Variants in NOD1 observed in about 807,000 individuals in gnomAD.
The protein encoded by NOD1 is nucleotide binding oligomerization domain containing 1.
Under a neutral mutation model 81.2 loss-of-function variants are expected in NOD1, and 70 were observed. That is an observed-to-expected ratio of 0.86 (90% confidence interval 0.71 to 1.05). The LOEUF (loss-of-function observed/expected upper bound fraction) is 1.05. Among genes scored for constraint, NOD1 ranks in the 50% least tolerant of loss-of-function variants. The pLI, the probability that NOD1 is intolerant of heterozygous loss-of-function variation, is 0.00. For missense variants in NOD1, 1,233 were observed against 1,228.0 expected (o/e 1.00, Z -0.06); for synonymous variants, 508 against 526.9 (o/e 0.96, Z 0.49).
chr7:30,446,995 C>A lies in NOD1; in HGVS notation c.2341G>T (p.Asp781Tyr), dbSNP rs369855053. 8.1e-6 allele frequency: 13 copies of A among 1,614,046 alleles called. No homozygotes were observed. In the African/African-American group the frequency reaches 1.5e-4, roughly 18 times the overall value. Residue 781 changes from aspartate to tyrosine, a missense_variant, in exon 8 of 14, where the codon GAT becomes TAT. Transcript: ENST00000222823. ...AGATGCGTGAGGCCTTTGCATTCATCCAGGATTTTGGTGACGTACCTGGCT... is the reference window on the plus strand; with the variant it reads ...AGATGCGTGAGGCCTTTGCATTCATACAGGATTTTGGTGACGTACCTGGCT... Reference protein sequence around the residue: ...VGARYVTKILDECKGLTHLKL... With the variant: ...VGARYVTKILYECKGLTHLKL...
intron 12 of NOD1, 50 bp downstream of exon 12, chr7:30,433,046 A>T: frequency 7.3e-7 from 1 of 1,376,738 alleles, no homozygotes; most frequent in Non-Finnish European, 1.0e-6. Context: ...ATCTCAAAAA[A>T]TACTTTTGAA....
rs192655308 is a variant in NOD1 at position 30,473,323 on chromosome 7, C to T, written c.-352+5283G>A. 1.2e-4 allele frequency among the ~76,000 whole-genome samples: 18 copies of T among 152,244 alleles called. No homozygotes were observed. The East Asian group carries it at 3.5e-3, about 29-fold the overall frequency. ...AAAAGGTGGTGTACTTAGAACAGACCACTGCACCTTTGATGTAATATTATT... is the reference window on the plus strand; with the variant it reads ...AAAAGGTGGTGTACTTAGAACAGACTACTGCACCTTTGATGTAATATTATT... On this transcript the variant is annotated intron_variant, in intron 1 of 13. Transcript: ENST00000222823.
intron 11 of NOD1, among the ~76,000 whole-genome samples, chr7:30,433,591 C>CACTG (rs980740281): frequency 1.3e-5 from 2 of 152,172 alleles, no homozygotes; most frequent in African/African-American, 4.8e-5. Flanking sequence ...CTGAAACAGT[C>CACTG]ACTGACTGCA....
intron 1 of NOD1, among the ~76,000 whole-genome samples, chr7:30,470,244 G>A (rs550878735): frequency 1.3e-5 from 2 of 152,330 alleles, no homozygotes; most frequent in South Asian, 4.2e-4. Flanking sequence ...CATGCAGTGA[G>A]TTAATACACG....
At position 30,452,755 on chromosome 7, in the gene NOD1, G is replaced by A. The variant is rs367963834; in HGVS notation, c.662C>T (p.Thr221Met). 1.3e-5 allele frequency: 21 copies of A among 1,613,940 alleles called. No homozygotes were observed. The highest frequency in any genetic ancestry group is 6.7e-5 in the African/African-American group (5 of 74,946). Reference protein sequence around the residue: ...LLQRLQSLWATGRLDAGVKFF... With the variant: ...LLQRLQSLWAMGRLDAGVKFF... The stretch of plus-strand genomic sequence containing the variant: ...TTTGACCCCTGCGTCTAGCCGGCCC[G>A]TGGCCCAGAGGCTCTGCAGCCGCTG... Residue 221 changes from threonine (T) to methionine (M), a missense_variant, in exon 6 of 14, where the codon ACG becomes ATG. Thr to Met is a moderately conservative substitution (Grantham distance 81). Coordinates refer to ENST00000222823, the MANE Select transcript of NOD1 (RefSeq NM_006092.4).
In NOD1 at chr7:30,446,207, AT is replaced by A; in HGVS notation, c.2386del (p.Ile796Ter). On this transcript the variant is annotated frameshift_variant, in exon 9 of 14. Coordinates refer to ENST00000222823, the MANE Select transcript of NOD1 (RefSeq NM_006092.4). LOFTEE classifies it high-confidence loss of function. ...GAGATACTTCCCTCCTTCACTTGTTATTTTGTTTTTTCCCAGTCTGCAGAGA... is the reference window on the plus strand; with the variant it reads ...GAGATACTTCCCTCCTTCACTTGTTATTTGTTTTTTCCCAGTCTGCAGAGA... Reference protein sequence around the residue: ...LTHLKLGKNKITSEGGKYLAL... With the variant: ...LTHLKLGKNKXTSEGGKYLAL... The A allele has an allele frequency of 6.2e-7, 1 of 1,613,902 alleles. No homozygotes were observed. The highest frequency in any genetic ancestry group is 1.6e-4 in the Middle Eastern group (1 of 6,062).
chr7:30,455,341 G>A, intron 4 of NOD1, 30 bp from the exon 5 acceptor site: 1 of 1,596,226 alleles, frequency 6.3e-7, no homozygotes, highest in Non-Finnish European at 8.6e-7. Context: ...GAGGGCACGG[G>A]CTGGCATGAG....
At position 30,476,760 on chromosome 7, in the gene NOD1, C is replaced by T. The variant is rs530142108; in HGVS notation, c.-352+1846G>A. 5.9e-5 allele frequency among the ~76,000 whole-genome samples: 9 copies of T among 152,276 alleles called. No individual in the cohort carries two copies. In the South Asian group the frequency reaches 1.0e-3, roughly 18 times the overall value. On this transcript the variant is annotated intron_variant, in intron 1 of 13. Coordinates refer to ENST00000222823, the MANE Select transcript of NOD1 (RefSeq NM_006092.4). ...AAACTGTATTCCAGAGCCATTAATA[C>T]GCCCTGGGGGACTGAGGGGATTTGC...
At chr7:30,433,290 CA>C in intron 11 of NOD1, 111 bp from the exon 12 acceptor site, 1 of 783,454 alleles carries the variant, frequency 1.3e-6, no homozygotes, top group East Asian at 2.6e-5. Flanking sequence ...TGCAGATGAT[CA>C]CTTGCTGAGA....
In NOD1 at chr7:30,436,078, A is replaced by G. The variant is rs1370742420; in HGVS notation, c.2541T>C (p.Leu847=). ...RNHPSLTTLS[L]ASNGISTEGG... Reference sequence around the variant, plus strand: ...CTTCTGTGGAGATGCCGTTGGACGCAAGACTAGGAAGGAACACACTTGGGG... The same window carrying G: ...CTTCTGTGGAGATGCCGTTGGACGCGAGACTAGGAAGGAACACACTTGGGG... Residue 847 remains leucine (L), a synonymous_variant, in exon 11 of 14, where the codon CTT becomes CTC. Coordinates refer to ENST00000222823, the MANE Select transcript of NOD1 (RefSeq NM_006092.4). 3.1e-6 allele frequency: 5 copies of G among 1,613,172 alleles called. No individual in the cohort carries two copies. The highest frequency in any genetic ancestry group is 3.4e-6 in the Non-Finnish European group (4 of 1,179,174).
intron 13 of NOD1, among the ~76,000 whole-genome samples, chr7:30,428,082 C>CT (rs1783616749): frequency 6.6e-6 from 1 of 151,964 alleles, no homozygotes; most frequent in Admixed American, 6.6e-5. Flanking sequence ...TTCTTTTTTT[C>CT]TTTTTTGTTT....
In NOD1 at chr7:30,452,269, T is replaced by G; in HGVS notation, c.1148A>C (p.Asn383Thr). 1 of 1,613,296 alleles carries G rather than the reference T, an allele frequency of 6.2e-7. No individual in the cohort carries two copies. The highest frequency in any genetic ancestry group is 2.2e-5 in the East Asian group (1 of 44,850). The stretch of plus-strand genomic sequence containing the variant: ...GGGCACAGAGCACAGGCTGCAGAGG[T>G]TGGGGTTGGCCTCCAGCTGGCTCAG... The part of the protein sequence containing the change: ...RLLSQLEANP[N>T]LCSLCSVPLF... Residue 383 changes from asparagine to threonine, a missense_variant, in exon 6 of 14, where the codon AAC becomes ACC. Coordinates refer to ENST00000222823, the MANE Select transcript of NOD1 (RefSeq NM_006092.4).
At chr7:30,477,661 T>C (rs1428331859) in intron 1 of NOD1, among the ~76,000 whole-genome samples, 1 of 151,104 alleles carries the variant, frequency 6.6e-6, no homozygotes. Flanking sequence ...ATTACAGGCA[T>C]GCGCCACCAC....
rs761328153 is a variant in NOD1, at chr7:30,425,687, G to GGT, written c.2811_2812dup (p.Pro938HisfsTer62). ...ATCTTCATAGACTTTGGCCTCCTCTGGTTTTATCAGGTTTCCATTTAGGCT... is the reference window on the plus strand; with the variant it reads ...ATCTTCATAGACTTTGGCCTCCTCTGGTGTTTTATCAGGTTTCCATTTAGGCT... On this transcript the variant is annotated frameshift_variant, in exon 14 of 14. Transcript: ENST00000222823. LOFTEE classifies it high-confidence loss of function. The GGT allele has an allele frequency of 6.2e-7, 1 of 1,613,352 alleles. No individual in the cohort carries two copies. The highest frequency in any genetic ancestry group is 1.7e-5 in the Admixed American group (1 of 60,020).
At chr7:30,428,623 TA>T (rs1783671311) in intron 13 of NOD1, 1 of 152,212 alleles carries the variant, frequency 6.6e-6, no homozygotes, top group South Asian at 2.1e-4. Flanking sequence ...AAGCAAAGTT[TA>T]AAAAACACTG....
At chr7:30,446,631 C>A in intron 8 of NOD1, 2 of 398,132 alleles carry the variant, frequency 5.0e-6, no homozygotes, top group Non-Finnish European at 9.1e-6. Flanking sequence ...GCAGGGCACA[C>A]CTACAGCAGG....
intron 1 of NOD1, among the ~76,000 whole-genome samples, chr7:30,471,047 C>T (rs1385239303): frequency 2.0e-5 from 3 of 152,106 alleles, no homozygotes; most frequent in Admixed American, 6.5e-5. Context: ...GAGTTGAAAC[C>T]GGGCCCACAG....
chr7:30,450,565 G>T (rs1401791384), intron 6 of NOD1, among the ~76,000 whole-genome samples: 1 of 152,224 alleles, frequency 6.6e-6, no homozygotes, highest in East Asian at 1.9e-4. Flanking sequence ...CCACGAGTCA[G>T]CATTTTAACT....
intron 1 of NOD1, among the ~76,000 whole-genome samples, chr7:30,471,190 A>G (rs1183811683): frequency 6.6e-6 from 1 of 152,172 alleles, no homozygotes; most frequent in Non-Finnish European, 1.5e-5. Context: ...GAGAGTACCC[A>G]GGGATTTATG....
Sources: allele counts gnomAD v4.1 joint callset (sites outside exome capture counted in the v4.1 genomes callset), GRCh38; gene constraint gnomAD v4.1.1; transcripts MANE v1.5; gene names NCBI Gene and HGNC (gene_info 2026-07-23, HGNC 2026-07-21).